FAM78B: variants seen among roughly 807,000 people sequenced by gnomAD.
FAM78B encodes family with sequence similarity 78 member B.
FAM78B carries 10 observed loss-of-function variants against 20.0 expected under a neutral mutation model. The ratio of observed to expected loss-of-function variants is 0.50; its 90% CI spans 0.31 to 0.85. The LOEUF (loss-of-function observed/expected upper bound fraction) is 0.85, where lower values mean the gene tolerates loss of function less well. Ranked by LOEUF, FAM78B falls within the 40% of genes least tolerant of loss-of-function variation. The probability of loss-of-function intolerance (pLI) is 0.05; values close to 1 mark genes in which losing one functional copy is unlikely to be tolerated. For missense variants in FAM78B, 283 were observed against 345.0 expected (o/e 0.82, Z 1.42); for synonymous variants, 135 against 132.8 (o/e 1.02, Z -0.12).
chr1:166,155,091 A>G (rs1414750904), intron 1 of FAM78B, among the ~76,000 whole-genome samples: 1 of 152,218 alleles, frequency 6.6e-6, no homozygotes, highest in Non-Finnish European at 1.5e-5. Flanking sequence ...CATCCTGAGC[A>G]GCTGAGTGAA....
At chr1:166,064,051 G>A (rs192218466) in intron 2 of FAM78B, among the ~76,000 whole-genome samples, 28 of 152,288 alleles carry the variant, frequency 1.8e-4, no homozygotes, top group African/African-American at 6.7e-4. Flanking sequence ...ACAGTTTGGG[G>A]TATGGGGACA....
chr1:166,086,072 TC>T (rs1032759425), intron 1 of FAM78B, among the ~76,000 whole-genome samples: 1 of 149,842 alleles, frequency 6.7e-6, no homozygotes, highest in Admixed American at 6.6e-5. Flanking sequence ...ACTATGTTAC[TC>T]TTTTTTTTTT....
intron 1 of FAM78B, among the ~76,000 whole-genome samples, chr1:166,089,340 C>T (rs4657514): frequency 0.022 from 3,332 of 152,268 alleles, 45 homozygotes; most frequent in Non-Finnish European, 0.032. Context: ...TGACGAGGAT[C>T]CACCACAGCC....
chr1:166,131,908 C>T (rs1278654949), intron 1 of FAM78B, among the ~76,000 whole-genome samples: 1 of 152,088 alleles, frequency 6.6e-6, no homozygotes, highest in African/African-American at 2.4e-5. Context: ...GGCAGAAGAC[C>T]CAGGTCTTAA....
intron 1 of FAM78B, among the ~76,000 whole-genome samples, chr1:166,094,630 T>A (rs1171735635): frequency 1.3e-5 from 2 of 152,196 alleles, no homozygotes; most frequent in African/African-American, 4.8e-5. Context: ...GCCCTATAGA[T>A]GTGGAGACAG....
chr1:166,104,588 T>C (rs933959644), intron 1 of FAM78B, among the ~76,000 whole-genome samples: 3 of 152,084 alleles, frequency 2.0e-5, no homozygotes, highest in African/African-American at 7.2e-5. Flanking sequence ...AAATCATGAG[T>C]GAACTCCCAT....
chr1:166,071,325 A>G (rs1652023816), intron 1 of FAM78B, among the ~76,000 whole-genome samples: 2 of 152,254 alleles, frequency 1.3e-5, no homozygotes, highest in African/African-American at 4.8e-5. Flanking sequence ...TAGGCATAGA[A>G]AATCATAACA....
intron 1 of FAM78B, among the ~76,000 whole-genome samples, chr1:166,079,330 C>T (rs1652472036): frequency 6.6e-6 from 1 of 152,182 alleles, no homozygotes; most frequent in Non-Finnish European, 1.5e-5. Flanking sequence ...GCCCCTCCTT[C>T]GAGAACACTC....
At chr1:166,074,411 G>A (rs952965746) in intron 1 of FAM78B, among the ~76,000 whole-genome samples, 1 of 152,016 alleles carries the variant, frequency 6.6e-6, no homozygotes, top group African/African-American at 2.4e-5. Context: ...AACTACAGGT[G>A]TCAGATTATA....
chr1:166,151,667 A>G (rs369208141), intron 1 of FAM78B, among the ~76,000 whole-genome samples: 7 of 151,934 alleles, frequency 4.6e-5, no homozygotes, highest in African/African-American at 1.4e-4. Context: ...GTTCACAAAT[A>G]CTCCTCAGTA....
At chr1:166,128,743 G>T (rs985945901) in intron 1 of FAM78B, among the ~76,000 whole-genome samples, 4 of 152,160 alleles carry the variant, frequency 2.6e-5, no homozygotes, top group African/African-American at 4.8e-5. Flanking sequence ...AGTGGGTGAG[G>T]CAGTATGACT....
chr1:166,077,641 AT>A (rs1652329580), intron 1 of FAM78B, among the ~76,000 whole-genome samples: 2 of 134,702 alleles, frequency 1.5e-5, no homozygotes, highest in Admixed American at 1.6e-4. Context: ...ATAATTATAT[AT>A]TTATATATAA....
At chr1:166,138,330 C>T (rs971207112) in intron 1 of FAM78B, among the ~76,000 whole-genome samples, 1 of 152,098 alleles carries the variant, frequency 6.6e-6, no homozygotes. Context: ...AAGTTGCCCA[C>T]CCCCTGTGTT....
At chr1:166,153,899 C>T (rs1655789659) in intron 1 of FAM78B, among the ~76,000 whole-genome samples, 1 of 152,198 alleles carries the variant, frequency 6.6e-6, no homozygotes, top group Non-Finnish European at 1.5e-5. Context: ...GACCTGTTCC[C>T]TCCCATTCTT....
chr1:166,057,597 T>C (rs891175592), exon 3 of FAM78B: 3 of 152,216 alleles, frequency 2.0e-5, no homozygotes, highest in African/African-American at 4.8e-5. Flanking sequence ...TCTTCCTTCA[T>C]TGGGTTTTTC....
chr1:166,096,272 C>T (rs1653271347), intron 1 of FAM78B, among the ~76,000 whole-genome samples: 1 of 152,158 alleles, frequency 6.6e-6, no homozygotes, highest in Non-Finnish European at 1.5e-5. Context: ...TCTACTATTA[C>T]CCAGGAGCCA....
Position 166,094,052 on chromosome 1 carries a change from T to A in FAM78B, c.264-23289A>T, listed in dbSNP as rs188684281. On this transcript the variant is annotated intron_variant, in intron 1 of 1. Transcript: ENST00000354422. Reference sequence around the variant, plus strand: ...GTGTGTGTGTGTGTGTGTGTGGTGTTCTTGAATCTCTGCTTTATTGAGCCA... The same window carrying A: ...GTGTGTGTGTGTGTGTGTGTGGTGTACTTGAATCTCTGCTTTATTGAGCCA... 2.0e-5 allele frequency among the ~76,000 whole-genome samples: 3 copies of A among 149,230 alleles called. No individual in the cohort carries two copies. The East Asian group carries it at 5.9e-4, about 29-fold the overall frequency.
At chr1:166,160,222 G>A (rs1043359775) in intron 1 of FAM78B, among the ~76,000 whole-genome samples, 2 of 152,196 alleles carry the variant, frequency 1.3e-5, no homozygotes, top group Non-Finnish European at 2.9e-5. Flanking sequence ...AGCCACACTG[G>A]GCATGTAGCA....
At chr1:166,077,565 C>T (rs370778308) in intron 1 of FAM78B, among the ~76,000 whole-genome samples, 1 of 144,104 alleles carries the variant, frequency 6.9e-6, no homozygotes, top group African/African-American at 2.6e-5. Context: ...GTCTCTCTCT[C>T]TATATATAAT....
Sources: gnomAD v4.1 joint callset for allele counts (sites outside exome capture counted in the v4.1 genomes callset) on GRCh38, gnomAD v4.1.1 for gene constraint, MANE v1.5 for transcripts, NCBI Gene and HGNC (gene_info 2026-07-23, HGNC 2026-07-21) for gene names.